CPQ: variants seen among roughly 807,000 people sequenced by gnomAD.
CPQ encodes the protein Ser-Met dipeptidase.
In CPQ, 37 loss-of-function variants were observed where a neutral mutation model predicts 45.7. The ratio of observed to expected loss-of-function variants is 0.81; its 90% confidence interval spans 0.62 to 1.07. The LOEUF (loss-of-function observed/expected upper bound fraction) is 1.07. Ranked by LOEUF, CPQ falls within the 50% of genes least tolerant of loss-of-function variation. The pLI, the probability that CPQ is intolerant of heterozygous loss-of-function variation, is 0.00. For synonymous variants in CPQ, 186 were observed against 205.8 expected (o/e 0.90, Z 0.82); for missense variants, 537 against 572.9 (o/e 0.94, Z 0.64).
At chr8:96,870,628 A>C (rs184126651) in intron 3 of CPQ, among the ~76,000 whole-genome samples, 1 of 151,994 alleles carries the variant, frequency 6.6e-6, no homozygotes, top group East Asian at 1.9e-4. Context: ...TGTCATCTGT[A>C]CAATGGGGAC....
chr8:96,695,726 T>G (rs867694364), intron 1 of CPQ, among the ~76,000 whole-genome samples: 1 of 149,004 alleles, frequency 6.7e-6, no homozygotes, highest in South Asian at 2.1e-4. Flanking sequence ...AAATGCAAAT[T>G]AAAACCACAA....
intron 3 of CPQ, 80 bp downstream of exon 3, chr8:96,835,260 A>T (rs13276242): frequency 8.9e-7 from 1 of 1,121,264 alleles, no homozygotes; most frequent in Non-Finnish European, 1.2e-6. Context: ...AGTAAAAACA[A>T]ACCATTCAAA....
intron 1 of CPQ, among the ~76,000 whole-genome samples, chr8:96,781,803 A>G (rs1810689090): frequency 6.6e-6 from 1 of 152,210 alleles, no homozygotes; most frequent in South Asian, 2.1e-4. Context: ...TTTCCACAAT[A>G]CAATGGTGGG....
intron 5 of CPQ, among the ~76,000 whole-genome samples, chr8:97,013,703 G>A (rs1809530704): frequency 6.6e-6 from 1 of 152,170 alleles, no homozygotes; most frequent in African/African-American, 2.4e-5. Flanking sequence ...ACATGGAAAT[G>A]AGGCTTTTGG....
Position 96,752,550 on chromosome 8 carries a change from A to T in CPQ, c.-34-32314A>T, listed in dbSNP as rs183994706. Among the ~76,000 whole-genome samples the T allele has an allele frequency of 5.3e-4, 80 of 152,198 alleles. 2 individuals are homozygous for T. The East Asian group carries it at 0.013, about 25-fold the overall frequency. On this transcript the variant is annotated intron_variant, in intron 1 of 7. Transcript: ENST00000220763. ...GGGCTGAGACGATGGGGTTTTCTAG[A>T]TATAAGATCATGTCATCTGCAAACA...
chr8:97,043,019 G>A (rs1255614352), intron 6 of CPQ, among the ~76,000 whole-genome samples: 13 of 150,552 alleles, frequency 8.6e-5, no homozygotes, highest in Non-Finnish European at 1.3e-4. Flanking sequence ...GTGCAGAGCT[G>A]AGTTCAATTC....
At chr8:97,119,531 T>A (rs67964310) in intron 7 of CPQ, among the ~76,000 whole-genome samples, 2 of 151,818 alleles carry the variant, frequency 1.3e-5, no homozygotes, top group Non-Finnish European at 2.9e-5. Context: ...GAAAACAAAA[T>A]CATTGATCTC....
At chr8:97,106,991 C>A (rs1391223259) in intron 7 of CPQ, among the ~76,000 whole-genome samples, 3 of 152,010 alleles carry the variant, frequency 2.0e-5, no homozygotes, top group Non-Finnish European at 4.4e-5. Flanking sequence ...GTGACCTTGA[C>A]AAGAACAATT....
chr8:96,730,599 T>C (rs1376854900), intron 1 of CPQ, among the ~76,000 whole-genome samples: 1 of 151,914 alleles, frequency 6.6e-6, no homozygotes, highest in African/African-American at 2.4e-5. Flanking sequence ...GCCTATAAAA[T>C]CTTTTATGAT....
chr8:97,055,823 G>A (rs1810446209), intron 6 of CPQ, among the ~76,000 whole-genome samples: 1 of 152,130 alleles, frequency 6.6e-6, no homozygotes, highest in African/African-American at 2.4e-5. Flanking sequence ...TTTTAGGCCG[G>A]GCACAGTGGC....
chr8:97,098,512 C>T (rs1811247373), intron 7 of CPQ, among the ~76,000 whole-genome samples: 1 of 152,140 alleles, frequency 6.6e-6, no homozygotes, highest in South Asian at 2.1e-4. Context: ...TTCCAAAAAC[C>T]TTCTTTGAAC....
chr8:96,994,728 A>G (rs773600248), intron 5 of CPQ, among the ~76,000 whole-genome samples: 4 of 152,082 alleles, frequency 2.6e-5, no homozygotes, highest in African/African-American at 9.7e-5. Flanking sequence ...GACAGTCCCA[A>G]TTTATTCCTG....
chr8:96,650,501 A>G (rs1221816046), intron 1 of CPQ, among the ~76,000 whole-genome samples: 1 of 152,240 alleles, frequency 6.6e-6, no homozygotes, highest in Non-Finnish European at 1.5e-5. Flanking sequence ...AAAATCTGGC[A>G]TGAAGGAGGC....
intron 5 of CPQ, among the ~76,000 whole-genome samples, chr8:97,014,358 A>G (rs1809542283): frequency 6.6e-6 from 1 of 152,120 alleles, no homozygotes; most frequent in Non-Finnish European, 1.5e-5. Flanking sequence ...TGATTTCAAA[A>G]GTGGGTTAGT....
At chr8:96,655,127 G>A (rs1331963414) in intron 1 of CPQ, among the ~76,000 whole-genome samples, 2 of 151,592 alleles carry the variant, frequency 1.3e-5, no homozygotes, top group Non-Finnish European at 2.9e-5. Flanking sequence ...GAATTTTAGG[G>A]TTATTTTTTC....
Position 96,921,974 on chromosome 8 carries a change from T to C in CPQ, c.849+41969T>C, listed in dbSNP as rs1465953560. On this transcript the variant is annotated intron_variant, in intron 4 of 7. Transcript: ENST00000220763. ...TGTCTTCTCTACTATTTTTAGATTA[T>C]AATTTAAATAAGTTCATGTGTATTA... 2.6e-5 allele frequency among the ~76,000 whole-genome samples: 4 copies of C among 152,206 alleles called. No homozygotes were observed. The East Asian group carries it at 7.7e-4, about 29-fold the overall frequency.
intron 1 of CPQ, chr8:96,659,134 C>T (rs1034769137): frequency 3.9e-5 from 6 of 152,162 alleles, no homozygotes; most frequent in African/African-American, 7.2e-5. Flanking sequence ...ACTTTAGTTT[C>T]CCTTCTGTCT....
intron 1 of CPQ, among the ~76,000 whole-genome samples, chr8:96,689,108 AT>A (rs1236770227): frequency 1.3e-5 from 2 of 152,336 alleles, no homozygotes; most frequent in East Asian, 3.9e-4. Flanking sequence ...ATTGGACAGA[AT>A]TGAATCACAT....
intron 7 of CPQ, among the ~76,000 whole-genome samples, chr8:97,096,049 G>C (rs544562867): frequency 2.0e-5 from 3 of 151,372 alleles, no homozygotes; most frequent in South Asian, 4.2e-4. Flanking sequence ...TTATAGTTGT[G>C]GTGGGGATGA....
Sources: allele counts gnomAD v4.1 joint callset (sites outside exome capture counted in the v4.1 genomes callset), GRCh38; gene constraint gnomAD v4.1.1; transcripts MANE v1.5; gene names NCBI Gene and HGNC (gene_info 2026-07-23, HGNC 2026-07-21).